NRG1: variants seen among roughly 807,000 people sequenced by gnomAD.
NRG1 encodes the protein pro-neuregulin-1, membrane-bound isoform.
In NRG1, 18 loss-of-function variants were observed where a neutral mutation model predicts 63.8. The ratio of observed to expected loss-of-function variants is 0.28; its 90% CI spans 0.19 to 0.42. NRG1 has a LOEUF of 0.42. NRG1 is among the 10% of genes least tolerant of loss of function. NRG1 has a pLI of 1.00. For missense variants in NRG1, 762 were observed against 814.7 expected (o/e 0.94, Z 0.79); for synonymous variants, 302 against 301.3 (o/e 1.00, Z -0.02).
rs547002380 is a variant in NRG1 at position 32,737,762 on chromosome 8, C to T, written c.633-4913C>T. On this transcript the variant is annotated intron_variant, in intron 6 of 11. Transcript: ENST00000356819. ...TGTGGTCTCTGCTCACTACAACCTC[C>T]GCCTTCTGGGTTCAAGCGATTCTCC... 8.0e-5 allele frequency among the ~76,000 whole-genome samples: 12 copies of T among 150,848 alleles called. No homozygotes were observed. The South Asian group carries it at 1.3e-3, about 16-fold the overall frequency.
chr8:32,766,884 A>C (rs541074233), exon 12 of NRG1: 5 of 152,264 alleles, frequency 3.3e-5, no homozygotes, highest in African/African-American at 1.2e-4. Flanking sequence ...GATGCTTGTC[A>C]CATCACTCTT....
At chr8:31,817,844 A>G (rs1401180844) in intron 1 of NRG1, among the ~76,000 whole-genome samples, 1 of 152,212 alleles carries the variant, frequency 6.6e-6, no homozygotes, top group East Asian at 1.9e-4. Flanking sequence ...CTTTTGTAAG[A>G]TATTAGAGAA....
chr8:32,263,872 T>C (rs975379214), intron 1 of NRG1, among the ~76,000 whole-genome samples: 16 of 152,136 alleles, frequency 1.1e-4, no homozygotes, highest in African/African-American at 3.9e-4. Context: ...ACCTCCTCCC[T>C]AATGTTCTGA....
chr8:31,669,393 A>C (rs1438366364), intron 1 of NRG1, among the ~76,000 whole-genome samples: 1 of 151,934 alleles, frequency 6.6e-6, no homozygotes, highest in Non-Finnish European at 1.5e-5. Context: ...ATGTGCCACC[A>C]TGCCCGGCTA....
chr8:32,083,284 A>G (rs1476988187), intron 1 of NRG1, among the ~76,000 whole-genome samples: 2 of 152,248 alleles, frequency 1.3e-5, no homozygotes, highest in African/African-American at 2.4e-5. Flanking sequence ...TGAAGTATCA[A>G]AAATACTGTT....
chr8:31,917,373 G>A (rs1455155635), intron 1 of NRG1, among the ~76,000 whole-genome samples: 9 of 150,462 alleles, frequency 6.0e-5, no homozygotes, highest in South Asian at 2.1e-4. Flanking sequence ...ATCTTGAATT[G>A]ATTTTTGTAT....
intron 1 of NRG1, among the ~76,000 whole-genome samples, chr8:32,266,050 T>G (rs1850901893): frequency 6.6e-6 from 1 of 152,100 alleles, no homozygotes; most frequent in African/African-American, 2.4e-5. Context: ...GAACCAATAC[T>G]TTGAGGATAC....
chr8:32,648,057 C>G, intron 5 of NRG1: 1 of 1,614,060 alleles, frequency 6.2e-7, no homozygotes, highest in Non-Finnish European at 8.5e-7. Flanking sequence ...TCACCTTGAC[C>G]CTGGGGGGTT....
At chr8:32,153,116 G>T (rs1837679239) in intron 1 of NRG1, among the ~76,000 whole-genome samples, 1 of 152,162 alleles carries the variant, frequency 6.6e-6, no homozygotes, top group South Asian at 2.1e-4. Context: ...ATCTACAGTG[G>T]GGCCAAATTG....
At chr8:31,837,598 T>C (rs1825796860) in intron 1 of NRG1, among the ~76,000 whole-genome samples, 2 of 152,040 alleles carry the variant, frequency 1.3e-5, no homozygotes, top group Admixed American at 1.3e-4. Flanking sequence ...CCTTTCTATG[T>C]AACTATATCT....
Position 31,640,297 on chromosome 8 carries a change from GC to G in NRG1, c.37+867del. Reference sequence around the variant, plus strand: ...ACTCGACAGGAAGGCGGCGGCGGCGGCGGGCGAGGCAGGGGCGTGGGGCGGC... The same window carrying G: ...ACTCGACAGGAAGGCGGCGGCGGCGGGGGCGAGGCAGGGGCGTGGGGCGGC... On this transcript the variant is annotated intron_variant, in intron 1 of 10. Transcript: ENST00000519301. This position sits in a 1 kb window ranked among gnomAD's most constrained non-coding sequence, Gnocchi z 6.3. 8.8e-7 allele frequency: 1 copy of G among 1,133,462 alleles called. No homozygotes were observed. Among genetic ancestry groups the G allele is most frequent in the Non-Finnish European group, 1.1e-6 (1 of 925,376 alleles). The allele number at this position is 1,133,462 out of a possible 1,614,324, so 70.2% of individuals were successfully genotyped here. A position where few individuals can be genotyped will look rare whatever the true frequency, so the allele number is the denominator to read the frequency against.
intron 1 of NRG1, among the ~76,000 whole-genome samples, chr8:32,385,782 A>G (rs1046606047): frequency 5.9e-5 from 9 of 152,160 alleles, no homozygotes; most frequent in African/African-American, 2.2e-4. Flanking sequence ...CGGTGGGGAC[A>G]CAGATCCAAG....
chr8:32,085,668 A>G (rs1405257056), intron 1 of NRG1, among the ~76,000 whole-genome samples: 2 of 152,212 alleles, frequency 1.3e-5, no homozygotes, highest in Admixed American at 1.3e-4. Context: ...TGTACATATG[A>G]TGGTGTCTCC....
intron 1 of NRG1, among the ~76,000 whole-genome samples, chr8:31,668,900 A>G (rs758122065): frequency 3.9e-5 from 6 of 152,202 alleles, no homozygotes; most frequent in Non-Finnish European, 8.8e-5. Context: ...GGAAATTCTT[A>G]GGACCAGAAG....
intron 1 of NRG1, among the ~76,000 whole-genome samples, chr8:31,647,994 G>A (rs1220256740): frequency 6.6e-6 from 1 of 151,914 alleles, no homozygotes; most frequent in Non-Finnish European, 1.5e-5. Flanking sequence ...AACCCTCACT[G>A]CAATCCATCT....
intron 5 of NRG1, among the ~76,000 whole-genome samples, chr8:32,650,246 A>C (rs571448532): frequency 6.6e-6 from 1 of 152,244 alleles, no homozygotes; most frequent in Non-Finnish European, 1.5e-5. Flanking sequence ...GGGCATTGAT[A>C]TTGTGGCATC....
chr8:31,768,510 G>A lies in NRG1; in HGVS notation c.37+129079G>A, dbSNP rs528758281. 3.9e-5 allele frequency among the ~76,000 whole-genome samples: 6 copies of A among 152,290 alleles called. No homozygotes were observed. In the South Asian group the frequency reaches 1.2e-3, roughly 32 times the overall value. On this transcript the variant is annotated intron_variant, in intron 1 of 10. Coordinates refer to the NRG1 transcript ENST00000519301. ...ATGACTGGAATGTTAGCCCACTGAA[G>A]TTATAACTTGTGGAACACTGTTCAA...
chr8:31,942,099 G>A (rs956345164), intron 1 of NRG1, among the ~76,000 whole-genome samples: 1 of 152,006 alleles, frequency 6.6e-6, no homozygotes, highest in African/African-American at 2.4e-5. Flanking sequence ...CTAAGCCAAA[G>A]AACAAATCTG....
At chr8:32,767,350 C>T (rs1207495955) in exon 12 of NRG1, 1 of 152,118 alleles carries the variant, frequency 6.6e-6, no homozygotes, top group Admixed American at 6.6e-5. Flanking sequence ...GCATGGCTCA[C>T]ACTGGTGAAA....
Sources: gnomAD v4.1 joint callset for allele counts (sites outside exome capture counted in the v4.1 genomes callset) on GRCh38, gnomAD v4.1.1 for gene constraint, Gnocchi (gnomAD v3.1) non-coding constraint, MANE v1.5 for transcripts, NCBI Gene and HGNC (gene_info 2026-07-23, HGNC 2026-07-21) for gene names.